Variants in YAF2 observed in about 807,000 individuals in gnomAD.
YAF2 encodes the protein YY1 associated factor 2, also known as YY1-associated factor 2.
YAF2 carries 7 observed loss-of-function variants against 20.1 expected under a neutral mutation model. That is an observed-to-expected ratio of 0.35 (90% CI 0.20 to 0.65). The LOEUF (loss-of-function observed/expected upper bound fraction) is 0.65. Among genes scored for constraint, YAF2 ranks in the 30% least tolerant of loss-of-function variants. The pLI is 0.69. For synonymous variants in YAF2, 74 were observed against 76.0 expected, an observed-to-expected ratio of 0.97 and a Z score of 0.14; for missense variants, 151 against 219.2, an observed-to-expected ratio of 0.69 and a Z score of 1.96.
At chr12:42,228,664 G>A (rs1207419724) in intron 2 of YAF2, among the ~76,000 whole-genome samples, 1 of 112,236 alleles carries the variant, frequency 8.9e-6, no homozygotes, top group East Asian at 3.0e-4. Flanking sequence ...GGTGGGGGGG[G>A]GGTCAGCCCC....
At chr12:42,175,475 T>G (rs991391420) in intron 2 of YAF2, among the ~76,000 whole-genome samples, 1 of 151,862 alleles carries the variant, frequency 6.6e-6, no homozygotes, top group African/African-American at 2.4e-5. Context: ...TATATTCATA[T>G]GTCAAAACTT....
chr12:42,163,916 T>G (rs79360946), intron 2 of YAF2, among the ~76,000 whole-genome samples: 1 of 152,166 alleles, frequency 6.6e-6, no homozygotes, highest in Non-Finnish European at 1.5e-5. Flanking sequence ...CCTTTTCTAT[T>G]TGATGAGAAA....
intron 1 of YAF2, 124 bp downstream of exon 1, chr12:42,238,031 C>T: frequency 3.7e-6 from 3 of 811,160 alleles, no homozygotes; most frequent in Non-Finnish European, 4.9e-6. Context: ...AGCACTCGCA[C>T]ACCAGCGGCG....
chr12:42,232,967 TACA>T, intron 2 of YAF2: 1 of 985,458 alleles, frequency 1.0e-6, no homozygotes, highest in Non-Finnish European at 1.2e-6. Flanking sequence ...TAGAGCTTGG[TACA>T]GTTAAAGCGG....
intron 2 of YAF2, chr12:42,232,606 C>T: frequency 1.0e-6 from 1 of 985,406 alleles, no homozygotes; most frequent in Non-Finnish European, 1.2e-6. Context: ...AGGAACCATG[C>T]ATTTCTTTAA....
At chr12:42,218,228 A>ACAC (rs71084625) in intron 2 of YAF2, among the ~76,000 whole-genome samples, 1 of 149,008 alleles carries the variant, frequency 6.7e-6, no homozygotes, top group Non-Finnish European at 1.5e-5. Flanking sequence ...ACACACACAC[A>ACAC]GATGATTATC....
chr12:42,237,522 G>A (rs1480730827), intron 2 of YAF2, 77 bp downstream of exon 2: 4 of 1,401,390 alleles, frequency 2.9e-6, no homozygotes, highest in East Asian at 3.1e-5. Flanking sequence ...TGTCATGGGA[G>A]GGGGCGGCAG....
At chr12:42,185,533 T>C (rs576016533) in intron 2 of YAF2, among the ~76,000 whole-genome samples, 1 of 152,316 alleles carries the variant, frequency 6.6e-6, no homozygotes, top group Non-Finnish European at 1.5e-5. Flanking sequence ...AGTTAATCAA[T>C]GTGGAAAACT....
Position 42,161,689 on chromosome 12 carries a change from C to G in YAF2, c.229G>C (p.Glu77Gln). The G allele has an allele frequency of 6.2e-7, 1 of 1,606,876 alleles. No homozygotes were observed. The highest frequency in any genetic ancestry group is 8.5e-7 in the Non-Finnish European group (1 of 1,177,800). ...TCTTTTTCTACTTTATCTTTTTTCT[C>G]TTTCTTTGACTGTGTAGGAGGCACA... ...QFVPPTQSKK[E>Q]KKDKVEKEKS... is the part of the protein sequence containing the mutation. The change falls in exon 3 of 4, where the codon GAG becomes CAG. Residue 77 changes from glutamate to glutamine, a missense_variant. This residue lies in a region of YAF2 where 50 missense variants were observed against 112.0 expected (regional missense o/e 0.45). Coordinates refer to ENST00000534854, the MANE Select transcript of YAF2 (RefSeq NM_005748.6).
At chr12:42,213,948 C>A (rs1592019104) in intron 2 of YAF2, among the ~76,000 whole-genome samples, 1 of 152,152 alleles carries the variant, frequency 6.6e-6, no homozygotes, top group African/African-American at 2.4e-5. Context: ...CATTAATACG[C>A]CCCATTATCT....
chr12:42,168,987 A>C (rs1354070491), intron 2 of YAF2, among the ~76,000 whole-genome samples: 1 of 151,598 alleles, frequency 6.6e-6, no homozygotes, highest in Non-Finnish European at 1.5e-5. Context: ...AATATACTGA[A>C]GTCTCTCCCA....
At chr12:42,225,092 C>T (rs2067649745) in intron 2 of YAF2, among the ~76,000 whole-genome samples, 1 of 152,240 alleles carries the variant, frequency 6.6e-6, no homozygotes, top group Non-Finnish European at 1.5e-5. Flanking sequence ...GATACTATCT[C>T]ATTGTGGTTT....
chr12:42,189,911 T>C (rs938759310), intron 2 of YAF2, among the ~76,000 whole-genome samples: 2 of 152,332 alleles, frequency 1.3e-5, no homozygotes, highest in South Asian at 4.1e-4. Flanking sequence ...ATAGCGTATG[T>C]ATTCACTACA....
intron 2 of YAF2, among the ~76,000 whole-genome samples, chr12:42,225,551 T>C (rs1417129324): frequency 6.6e-6 from 1 of 152,238 alleles, no homozygotes; most frequent in Non-Finnish European, 1.5e-5. Context: ...GAGTCAATTT[T>C]GTGTAAAGTG....
chr12:42,197,957 C>G, intron 2 of YAF2, among the ~76,000 whole-genome samples: 1 of 152,042 alleles, frequency 6.6e-6, no homozygotes, highest in East Asian at 1.9e-4. Flanking sequence ...GTATACCAAA[C>G]TAGATATGGT....
chr12:42,167,220 C>A (rs1372497568), intron 2 of YAF2, among the ~76,000 whole-genome samples: 1 of 152,086 alleles, frequency 6.6e-6, no homozygotes, highest in Non-Finnish European at 1.5e-5. Flanking sequence ...GACGGGTTGA[C>A]AGTTACAGCA....
chr12:42,184,110 A>G (rs1386455724), intron 2 of YAF2, among the ~76,000 whole-genome samples: 1 of 152,192 alleles, frequency 6.6e-6, no homozygotes, highest in Non-Finnish European at 1.5e-5. Context: ...TATTTAGCTC[A>G]CTGTTTAAGC....
rs140611093 is a variant in YAF2, at chr12:42,203,382, C to T, written c.152+34217G>A. Among the ~76,000 whole-genome samples the T allele has an allele frequency of 2.0e-4, 31 of 152,084 alleles. No homozygotes were observed. In the East Asian group the frequency reaches 3.5e-3, roughly 17 times the overall value. On this transcript the variant is annotated intron_variant, in intron 2 of 3. Coordinates refer to ENST00000534854, the MANE Select transcript of YAF2 (RefSeq NM_005748.6). ...CATTTCTTTTAATATTTCTAGGGAG[C>T]ATCTCATCTCATTTCTGTTCCTTTC...
At position 42,158,289 on chromosome 12, in the gene YAF2, C is replaced by A. The variant is rs1197274884; in HGVS notation, c.*2300G>T. Reference sequence around the variant, plus strand: ...TTATGGAAAGATGGTCTTTCTGCATCCAGAGAAAACATCTGATATTACACT... The same window carrying A: ...TTATGGAAAGATGGTCTTTCTGCATACAGAGAAAACATCTGATATTACACT... On this transcript the variant is annotated 3_prime_UTR_variant, in exon 4 of 4. Coordinates refer to ENST00000534854, the MANE Select transcript of YAF2 (RefSeq NM_005748.6). 6.6e-6 allele frequency: 1 copy of A among 152,142 alleles called. No homozygotes were observed. Among genetic ancestry groups the A allele is most frequent in the Non-Finnish European group, 1.5e-5 (1 of 68,028 alleles). 9.4% of individuals were successfully genotyped at this position (152,142 alleles called of 1,614,324 possible).
Sources: allele counts gnomAD v4.1 joint callset (sites outside exome capture counted in the v4.1 genomes callset), GRCh38; gene constraint gnomAD v4.1.1; regional missense constraint gnomAD v4.1.1; transcripts MANE v1.5; gene names NCBI Gene and HGNC (gene_info 2026-07-23, HGNC 2026-07-21).